HSH2D: variants seen among roughly 807,000 people sequenced by gnomAD.
The protein encoded by HSH2D is hematopoietic SH2 domain-containing protein.
A neutral mutation model predicts 21.5 loss-of-function variants in HSH2D; 16 were observed. The ratio of observed to expected loss-of-function variants is 0.74; its 90% confidence interval spans 0.50 to 1.13. The LOEUF (loss-of-function observed/expected upper bound fraction) is 1.13. HSH2D is among the 50% of genes most tolerant of loss of function. The pLI, the probability that HSH2D is intolerant of heterozygous loss-of-function variation, is 0.00. For missense variants in HSH2D, 418 were observed against 441.4 expected, an observed-to-expected ratio of 0.95 and a Z score of 0.47; for synonymous variants, 172 against 184.7, an observed-to-expected ratio of 0.93 and a Z score of 0.56.
At position 16,152,922 on chromosome 19, in the gene HSH2D, A is replaced by G. The variant is rs889183562; in HGVS notation, c.216-121A>G. 3 of 1,193,480 alleles carry G rather than the reference A, an allele frequency of 2.5e-6. No homozygotes were observed. In the African/African-American group the frequency reaches 4.5e-5, roughly 18 times the overall value. The allele number at this position is 1,193,480 out of a possible 1,614,324, so 73.9% of individuals were successfully genotyped here. A position where few individuals can be genotyped will look rare whatever the true frequency, so the allele number is the denominator to read the frequency against. ...GTGTTGCATGGCCAGTGAGTGAAGA[A>G]GCCTGCATGGGAACCTGGGGTAGTC... On this transcript the variant is annotated intron_variant, in intron 3 of 5. Transcript: ENST00000613986.
rs1341743415 is a variant in HSH2D, at chr19:16,148,887, C to G, written c.125+12C>G. 1.2e-6 allele frequency: 2 copies of G among 1,601,812 alleles called. No individual in the cohort carries two copies. The highest frequency in any genetic ancestry group is 1.7e-4 in the Middle Eastern group (1 of 5,898). Reference sequence around the variant, plus strand: ...GCAATCTCAAGAGAGTGAGGACACACCCACACCCTCCACCCTGCCCTCCCC... The same window carrying G: ...GCAATCTCAAGAGAGTGAGGACACAGCCACACCCTCCACCCTGCCCTCCCC... On this transcript the variant is annotated intron_variant, in intron 2 of 5. Coordinates refer to ENST00000613986, the MANE Select transcript of HSH2D (RefSeq NM_001382417.1).
At chr19:16,156,942 T>G (rs1484865296) in intron 5 of HSH2D, among the ~76,000 whole-genome samples, 1 of 150,764 alleles carries the variant, frequency 6.6e-6, no homozygotes, top group Non-Finnish European at 1.5e-5. Flanking sequence ...GCCGAGATTG[T>G]GCCACTGCAC....
At chr19:16,153,313 C>T (rs1437216990) in intron 4 of HSH2D, 105 bp downstream of exon 4, 7 of 1,149,208 alleles carry the variant, frequency 6.1e-6, no homozygotes, top group Non-Finnish European at 5.9e-6. Context: ...TTCTGTCACT[C>T]TCATGGTCCT....
chr19:16,152,655 C>T lies in HSH2D; in HGVS notation c.215+14C>T, dbSNP rs752600857. 8 of 1,542,476 alleles carry T rather than the reference C, an allele frequency of 5.2e-6. No homozygotes were observed. The highest frequency in any genetic ancestry group is 1.4e-5 in the African/African-American group (1 of 73,058). On this transcript the variant is annotated intron_variant, in intron 3 of 5. Coordinates refer to ENST00000613986, the MANE Select transcript of HSH2D (RefSeq NM_001382417.1). The stretch of plus-strand genomic sequence containing the variant: ...ACTCTCCTACAAGTAAGGCCTGGGC[C>T]GGGATCCAGGGCAGGGGCAGGTGGG...
rs371623069 is a variant in HSH2D, at chr19:16,153,172, G to A, written c.345G>A (p.Glu115=). Residue 115 remains glutamate (E), a synonymous_variant, in exon 4 of 6, where the codon GAG becomes GAA. Coordinates refer to ENST00000613986, the MANE Select transcript of HSH2D (RefSeq NM_001382417.1). The stretch of plus-strand genomic sequence containing the variant: ...CCTTCCACCAGCAGAAGCCAATTGA[G>A]CCGCGCAGGGAGCTGCTGACACAGC... ...LVTFHQQKPI[E]PRRELLTQPC... 6.4e-7 allele frequency: 1 copy of A among 1,566,820 alleles called. No homozygotes were observed. Among genetic ancestry groups the A allele is most frequent in the South Asian group, 1.2e-5 (1 of 85,438 alleles).
chr19:16,153,148 C>T lies in HSH2D; in HGVS notation c.321C>T (p.Thr107=), dbSNP rs1184407736. 6.3e-7 allele frequency: 1 copy of T among 1,583,588 alleles called. No homozygotes were observed. Among genetic ancestry groups the T allele is most frequent in the Non-Finnish European group, 8.6e-7 (1 of 1,166,060 alleles). The change falls in exon 4 of 6, where the codon ACC becomes ACT. Residue 107 remains threonine (T), a synonymous_variant. Coordinates refer to ENST00000613986, the MANE Select transcript of HSH2D (RefSeq NM_001382417.1). ...ACACCTCGCTGGACGCCCTGGTCAC[C>T]TTCCACCAGCAGAAGCCAATTGAGC... ...VAHTSLDALV[T]FHQQKPIEPR... is the part of the protein sequence containing the mutation.
In HSH2D at chr19:16,157,498, T is replaced by C; in HGVS notation, c.763T>C (p.Ser255Pro). 10 of 1,613,780 alleles carry C rather than the reference T, an allele frequency of 6.2e-6. No homozygotes were observed. Among genetic ancestry groups the C allele is most frequent in the Non-Finnish European group, 8.5e-6 (10 of 1,179,836 alleles). The stretch of plus-strand genomic sequence containing the variant: ...GACCGGAAAAGGCAGCCAAGATCAC[T>C]CAGGGGATCCCACCTCGGGGGACAG... ...PGTGKGSQDH[S>P]GDPTSGDRGY... Residue 255 changes from serine to proline, a missense_variant, in exon 6 of 6, where the codon TCA becomes CCA. By Grantham distance (74) the Ser-to-Pro change is moderately conservative. Transcript: ENST00000613986. The surrounding 1 kb of genome is among the most constrained non-coding windows in gnomAD (Gnocchi z 4.4).
chr19:16,134,977 A>AC (rs1491449886), intron 1 of HSH2D, among the ~76,000 whole-genome samples: 1 of 150,892 alleles, frequency 6.6e-6, no homozygotes, highest in East Asian at 1.9e-4. Flanking sequence ...AAAAAAAAAA[A>AC]GTACAAAAAT....
intron 1 of HSH2D, among the ~76,000 whole-genome samples, chr19:16,135,760 CTT>C (rs2090959559): frequency 6.6e-6 from 1 of 152,220 alleles, no homozygotes; most frequent in African/African-American, 2.4e-5. Flanking sequence ...GCCCTTCTCT[CTT>C]CCTAGCTCAT....
chr19:16,155,367 G>C (rs1379546001), intron 5 of HSH2D, among the ~76,000 whole-genome samples: 1 of 152,062 alleles, frequency 6.6e-6, no homozygotes, highest in Non-Finnish European at 1.5e-5. Context: ...CATACACACA[G>C]ACACAGGGAG....
intron 1 of HSH2D, among the ~76,000 whole-genome samples, chr19:16,135,106 T>C (rs2090952820): frequency 6.6e-6 from 1 of 151,912 alleles, no homozygotes; most frequent in Non-Finnish European, 1.5e-5. Flanking sequence ...CAAAACCCCA[T>C]CTTTACTAAA....
rs1300300068 is a variant in HSH2D at position 16,152,884 on chromosome 19, A to G, written c.216-159A>G. 3.4e-6 allele frequency: 3 copies of G among 876,280 alleles called. No homozygotes were observed. In the African/African-American group the frequency reaches 5.0e-5, roughly 15 times the overall value. 54.3% of individuals were successfully genotyped at this position (876,280 alleles called of 1,614,324 possible). On this transcript the variant is annotated intron_variant, in intron 3 of 5. Transcript: ENST00000613986. ...GGGGAAACTGAGGCACAGCGAGGTT[A>G]GTAACCTGCTGGGTGTTGCATGGCC...
intron 1 of HSH2D, among the ~76,000 whole-genome samples, chr19:16,145,005 T>G (rs899212715): frequency 2.5e-4 from 38 of 150,552 alleles, no homozygotes; most frequent in Non-Finnish European, 5.3e-4. Context: ...GCTCTTTTTT[T>G]GTTGTTGGTG....
chr19:16,153,039 G>T lies in HSH2D; in HGVS notation c.216-4G>T, dbSNP rs868854438. On this transcript the variant is annotated splice_region_variant and splice_polypyrimidine_tract_variant and intron_variant, in intron 3 of 5. Transcript: ENST00000613986. ...ATGTCCCAGCCCCCGCAGTGTCTCC[G>T]CAGAGCCCAAAGCAGCTGCTGCCAT... The T allele has an allele frequency of 1.2e-6, 2 of 1,608,282 alleles. No individual in the cohort carries two copies.
intron 1 of HSH2D, among the ~76,000 whole-genome samples, chr19:16,144,139 A>G (rs568940101): frequency 6.6e-6 from 1 of 152,064 alleles, no homozygotes. Context: ...GCTGTTCACC[A>G]GCAAAGACCC....
chr19:16,134,048 C>G (rs553422810), exon 1 of HSH2D: 5 of 152,340 alleles, frequency 3.3e-5, no homozygotes, highest in Non-Finnish European at 7.3e-5. Context: ...AGACCACACC[C>G]AGGTCCAGTC....
chr19:16,155,046 T>G (rs2091220013), intron 5 of HSH2D, among the ~76,000 whole-genome samples: 1 of 152,188 alleles, frequency 6.6e-6, no homozygotes, highest in Non-Finnish European at 1.5e-5. Context: ...TTGTTTGCCT[T>G]TGCTTCTCCC....
At chr19:16,144,738 G>A (rs2145025298) in intron 1 of HSH2D, among the ~76,000 whole-genome samples, 1 of 144,396 alleles carries the variant, frequency 6.9e-6, no homozygotes, top group South Asian at 2.2e-4. Flanking sequence ...TGTCGCCCAG[G>A]CTGGAGTGCA....
upstream of HSH2D, among the ~76,000 whole-genome samples, chr19:16,139,488 G>A (rs1441668831): frequency 3.3e-5 from 5 of 152,110 alleles, no homozygotes; most frequent in Admixed American, 6.6e-5. Context: ...AGGCTGAGGC[G>A]GGAGGATCAC....
Sources: allele counts gnomAD v4.1 joint callset (sites outside exome capture counted in the v4.1 genomes callset), GRCh38; gene constraint gnomAD v4.1.1; non-coding constraint Gnocchi (gnomAD v3.1); transcripts MANE v1.5; gene names NCBI Gene and HGNC (gene_info 2026-07-23, HGNC 2026-07-21).